EPB41L3: variants seen among roughly 807,000 people sequenced by gnomAD.
The protein encoded by EPB41L3 is erythrocyte membrane protein band 4.1 like 3, also known as band 4.1-like protein 3.
EPB41L3 carries 57 observed loss-of-function variants against 127.1 expected under a neutral mutation model. The observed-to-expected ratio is 0.45, with a 90% CI of 0.36 to 0.56. EPB41L3 has a LOEUF of 0.56. Ranked by LOEUF, EPB41L3 falls within the 20% of genes least tolerant of loss-of-function variation. EPB41L3 has a pLI of 0.00. For synonymous variants in EPB41L3, 572 were observed against 549.5 expected, an observed-to-expected ratio of 1.04 and a Z score of -0.57; for missense variants, 1,273 against 1,372.2, an observed-to-expected ratio of 0.93 and a Z score of 1.14.
intron 3 of EPB41L3, among the ~76,000 whole-genome samples, chr18:5,452,816 C>T (rs1010095334): frequency 2.0e-5 from 3 of 151,912 alleles, no homozygotes; most frequent in Admixed American, 6.6e-5. Context: ...TTTTAAAAAA[C>T]GGAGACAGTT....
In EPB41L3 at chr18:5,443,851, T is replaced by C; in HGVS notation, c.516A>G (p.Lys172=). ...AAAAGAACTTACTTCGAACCTGTTT[T>C]TTTATTTCCTTAGCAGGGTCCAACC... The part of the protein sequence containing the change: ...KNWLDPAKEI[K]KQVRSGAWHF... The change falls in exon 5 of 23, where the codon AAA becomes AAG. Residue 172 remains lysine, a synonymous_variant. Coordinates refer to ENST00000341928, the MANE Select transcript of EPB41L3 (RefSeq NM_012307.5). 6.2e-7 allele frequency: 1 copy of C among 1,609,824 alleles called. No homozygotes were observed. The highest frequency in any genetic ancestry group is 8.5e-7 in the Non-Finnish European group (1 of 1,178,630).
At chr18:5,570,969 C>G (rs2094272303) in intron 3 of EPB41L3, 1 of 152,122 alleles carries the variant, frequency 6.6e-6, no homozygotes, top group African/African-American at 2.4e-5. Flanking sequence ...TTTTTCTTAT[C>G]AAATGCCAAG....
At chr18:5,541,051 C>G (rs1228077557) in intron 1 of EPB41L3, among the ~76,000 whole-genome samples, 3 of 140,172 alleles carry the variant, frequency 2.1e-5, no homozygotes, top group Non-Finnish European at 4.7e-5. Context: ...CACCACTGCA[C>G]TCCAGCCTGG....
upstream of EPB41L3, among the ~76,000 whole-genome samples, chr18:5,547,706 A>T (rs1283666752): frequency 6.6e-6 from 1 of 152,202 alleles, no homozygotes. Context: ...CCCAAGCTGA[A>T]GAGATTGGAT....
chr18:5,630,472 A>C, upstream of EPB41L3: 1 of 518,938 alleles, frequency 1.9e-6, no homozygotes, highest in South Asian at 1.4e-5. Flanking sequence ...GCGCAAGGGC[A>C]GAGAGAGGTA....
In EPB41L3 at chr18:5,433,479, T is replaced by C. The variant is rs1216565317; in HGVS notation, c.902A>G (p.His301Arg). 4.3e-6 allele frequency: 7 copies of C among 1,611,778 alleles called. No individual in the cohort carries two copies. The highest frequency in any genetic ancestry group is 2.7e-5 in the African/African-American group (2 of 74,890). The change falls in exon 8 of 23, where the codon CAT (histidine) becomes CGT (arginine). Residue 301 changes from histidine (H) to arginine (R), a missense_variant. This residue lies in a region of EPB41L3 where 326 missense variants were observed against 440.2 expected (regional missense o/e 0.74). Coordinates refer to ENST00000341928, the MANE Select transcript of EPB41L3 (RefSeq NM_012307.5). ...KKLSMYGVDL[H>R]HAKDSEGVEI... is the part of the protein sequence containing the mutation. The stretch of plus-strand genomic sequence containing the variant: ...TAAAAAGATGCATACCTTAGCATGA[T>C]GTAAATCTACCCCATACATTGATAA...
chr18:5,448,947 C>T (rs572455498), intron 3 of EPB41L3, among the ~76,000 whole-genome samples: 2 of 152,196 alleles, frequency 1.3e-5, no homozygotes, highest in South Asian at 2.1e-4. Context: ...AGTTTCATGA[C>T]TTTTTACATT....
intron 16 of EPB41L3, chr18:5,400,191 C>A (rs897293733): frequency 6.1e-6 from 1 of 164,862 alleles, no homozygotes; most frequent in East Asian, 1.8e-4. Flanking sequence ...TTCTCTCTCA[C>A]TTTCTTTAGT....
chr18:5,485,796 G>A (rs751872048), intron 2 of EPB41L3, among the ~76,000 whole-genome samples: 43 of 151,874 alleles, frequency 2.8e-4, no homozygotes, highest in African/African-American at 1.0e-3. Context: ...GTGAAAGATC[G>A]GTGTAAGGAA....
intron 1 of EPB41L3, among the ~76,000 whole-genome samples, chr18:5,617,237 T>C (rs1027330120): frequency 3.3e-5 from 5 of 152,112 alleles, no homozygotes; most frequent in South Asian, 4.1e-4. Context: ...ACCTTGCTTA[T>C]AAAAGATGAT....
intron 1 of EPB41L3, among the ~76,000 whole-genome samples, chr18:5,514,396 C>T (rs890751888): frequency 1.3e-5 from 2 of 152,188 alleles, no homozygotes; most frequent in African/African-American, 2.4e-5. Flanking sequence ...TAAGACATCA[C>T]ATTGCATAAG....
At chr18:5,485,097 T>C (rs911975036) in intron 2 of EPB41L3, among the ~76,000 whole-genome samples, 22 of 152,012 alleles carry the variant, frequency 1.4e-4, no homozygotes, top group African/African-American at 5.1e-4. Context: ...AGTGAAATAC[T>C]AGCAAACCGA....
intron 2 of EPB41L3, chr18:5,480,078 A>T (rs905241985): frequency 6.6e-5 from 10 of 152,256 alleles, no homozygotes; most frequent in African/African-American, 2.4e-4. Context: ...ACCTGAAATC[A>T]ACATTTTCTA....
chr18:5,417,402 C>T (rs773669537), intron 12 of EPB41L3, among the ~76,000 whole-genome samples: 1 of 152,080 alleles, frequency 6.6e-6, no homozygotes, highest in Non-Finnish European at 1.5e-5. Context: ...CTGCAGGTGG[C>T]GGAGGGGTTG....
chr18:5,415,898 ACAGAGC>A lies in EPB41L3; in HGVS notation c.1981_1986del (p.Ala661_Leu662del). On this transcript the variant is annotated inframe_deletion, in exon 13 of 23. Coordinates refer to ENST00000341928, the MANE Select transcript of EPB41L3 (RefSeq NM_012307.5). ...GCCTTGGGCTCCAGGTAGCAGAGGC[ACAGAGC>A]CAGAGGGAAGGAGAGAGTGAGAGCG... The A allele has an allele frequency of 6.2e-7, 1 of 1,613,958 alleles. No individual in the cohort carries two copies. The highest frequency in any genetic ancestry group is 8.5e-7 in the Non-Finnish European group (1 of 1,179,994).
At chr18:5,436,407 T>C (rs796740492) in intron 6 of EPB41L3, among the ~76,000 whole-genome samples, 25 of 128,276 alleles carry the variant, frequency 1.9e-4, no homozygotes, top group East Asian at 4.2e-4. Flanking sequence ...TTCTTTCTTT[T>C]TTTTTTTTTT....
rs781418280 is a variant in EPB41L3 at position 5,416,394 on chromosome 18, C to A, written c.1507-16G>T. On this transcript the variant is annotated splice_polypyrimidine_tract_variant and intron_variant, in intron 12 of 22. Coordinates refer to ENST00000341928, the MANE Select transcript of EPB41L3 (RefSeq NM_012307.5). ...GCCCAGGTGACTGATGTGAAAGAGA[C>A]AGAAAGAGACAGAAAGCAGCAAACA... 10 of 1,585,052 alleles carry A rather than the reference C, an allele frequency of 6.3e-6. No individual in the cohort carries two copies. The East Asian group carries it at 6.8e-5, about 11-fold the overall frequency.
intron 1 of EPB41L3, among the ~76,000 whole-genome samples, chr18:5,498,212 A>T (rs1208536763): frequency 1.3e-5 from 2 of 152,298 alleles, no homozygotes; most frequent in Non-Finnish European, 1.5e-5. Flanking sequence ...GCTAAAAAAA[A>T]TTTTTCCAGG....
At position 5,479,388 on chromosome 18, in the gene EPB41L3, C is replaced by T. The variant is rs193240094; in HGVS notation, c.184-950G>A. ...AGCATGGCATTTCCTTTCCCGTGTA[C>T]ATACTATCAGCCCTTACTTTTCAGG... On this transcript the variant is annotated intron_variant, in intron 2 of 22. Coordinates refer to ENST00000341928, the MANE Select transcript of EPB41L3 (RefSeq NM_012307.5). 1.5e-3 allele frequency among the ~76,000 whole-genome samples: 223 copies of T among 152,320 alleles called. 1 individual carries two copies. The highest frequency in any genetic ancestry group is 5.1e-3 in the African/African-American group (210 of 41,564).
Sources: gnomAD v4.1 joint callset for allele counts (sites outside exome capture counted in the v4.1 genomes callset) on GRCh38, gnomAD v4.1.1 for gene constraint, gnomAD v4.1.1 regional missense constraint, MANE v1.5 for transcripts, NCBI Gene and HGNC (gene_info 2026-07-23, HGNC 2026-07-21) for gene names.